Variants in ZNF143 observed in about 807,000 individuals in gnomAD.
ZNF143 encodes zinc finger protein 143.
A neutral mutation model predicts 74.1 loss-of-function variants in ZNF143; 49 were observed. That is an observed-to-expected ratio of 0.66 (90% confidence interval 0.53 to 0.84). The LOEUF (loss-of-function observed/expected upper bound fraction) is 0.84, where lower values mean the gene tolerates loss of function less well. ZNF143 is among the 40% of genes least tolerant of loss of function. The pLI, the probability that ZNF143 is intolerant of heterozygous loss-of-function variation, is 0.00. For synonymous variants in ZNF143, 304 were observed against 282.8 expected, an observed-to-expected ratio of 1.07 and a Z score of -0.75; for missense variants, 637 against 793.4, an observed-to-expected ratio of 0.80 and a Z score of 2.37.
In ZNF143 at chr11:9,491,402, C is replaced by T. The variant is rs1240314548; in HGVS notation, c.646-3244C>T. On this transcript the variant is annotated intron_variant, in intron 7 of 15. Coordinates refer to ENST00000396602, the MANE Select transcript of ZNF143 (RefSeq NM_003442.6). Reference sequence around the variant, plus strand: ...CTGTAATCCCTGCACTTTGGGAGGCCGAGGCAGGCGGATCACGAGGTCAGG... The same window carrying T: ...CTGTAATCCCTGCACTTTGGGAGGCTGAGGCAGGCGGATCACGAGGTCAGG... Among the ~76,000 whole-genome samples, 5 of 151,650 alleles carry T rather than the reference C, an allele frequency of 3.3e-5. No individual in the cohort carries two copies. In the East Asian group the frequency reaches 5.8e-4, roughly 18 times the overall value.
At chr11:9,471,538 A>G (rs893441008) in intron 2 of ZNF143, 118 bp downstream of exon 2, 7 of 661,558 alleles carry the variant, frequency 1.1e-5, no homozygotes, top group Non-Finnish European at 1.6e-5. Context: ...AGGTCTTTTT[A>G]TGAGGTGTTT....
At chr11:9,522,353 G>T (rs1036656722) in intron 14 of ZNF143, among the ~76,000 whole-genome samples, 2 of 151,642 alleles carry the variant, frequency 1.3e-5, no homozygotes, top group Admixed American at 1.3e-4. Flanking sequence ...AGCCTCCCAA[G>T]AAGCTAGGAC....
At chr11:9,520,025 ATTTTTTTTTTTTT>A (rs954404348) in intron 14 of ZNF143, among the ~76,000 whole-genome samples, 36 of 91,380 alleles carry the variant, frequency 3.9e-4, no homozygotes, top group Admixed American at 1.4e-3. Context: ...GTTTCCACCA[ATTTTTTTTTTTTT>A]TTTTTTTTTT....
chr11:9,492,553 A>G (rs758299767), intron 7 of ZNF143, among the ~76,000 whole-genome samples: 7 of 152,180 alleles, frequency 4.6e-5, no homozygotes, highest in Non-Finnish European at 7.3e-5. Context: ...GGCACAGCCT[A>G]CACACTTTAA....
intron 7 of ZNF143, among the ~76,000 whole-genome samples, chr11:9,488,903 A>T (rs1306220165): frequency 6.6e-6 from 1 of 152,162 alleles, no homozygotes; most frequent in East Asian, 1.9e-4. Flanking sequence ...GAAAAAAAAA[A>T]GATTTATTTG....
At chr11:9,494,911 T>TA in intron 8 of ZNF143, 146 bp downstream of exon 8, 1 of 847,454 alleles carries the variant, frequency 1.2e-6, no homozygotes, top group Non-Finnish European at 1.8e-6. Flanking sequence ...CACAGACATG[T>TA]AAAAACCTAT....
chr11:9,523,742 T>C (rs1037131978), intron 14 of ZNF143, among the ~76,000 whole-genome samples: 1 of 149,200 alleles, frequency 6.7e-6, no homozygotes, highest in Non-Finnish European at 1.5e-5. Context: ...TCAAAAAATA[T>C]ATAATAATAA....
intron 1 of ZNF143, among the ~76,000 whole-genome samples, chr11:9,467,566 T>C (rs1238822198): frequency 1.3e-5 from 2 of 152,000 alleles, no homozygotes; most frequent in Non-Finnish European, 2.9e-5. Flanking sequence ...AAATCATGGC[T>C]GGCTGGCGCA....
intron 1 of ZNF143, among the ~76,000 whole-genome samples, chr11:9,462,384 C>T (rs760608982): frequency 6.6e-6 from 1 of 151,778 alleles, no homozygotes; most frequent in Admixed American, 6.6e-5. Flanking sequence ...CATAGGGAGA[C>T]GGCCCTCCCA....
chr11:9,474,305 A>AT (rs998118632), intron 4 of ZNF143, among the ~76,000 whole-genome samples: 9 of 152,120 alleles, frequency 5.9e-5, no homozygotes, highest in Admixed American at 5.9e-4. Flanking sequence ...CATTTTCTTC[A>AT]TTTTTCCCCT....
At chr11:9,514,349 C>G (rs148896281) in intron 13 of ZNF143, among the ~76,000 whole-genome samples, 11 of 152,344 alleles carry the variant, frequency 7.2e-5, no homozygotes, top group African/African-American at 2.6e-4. Context: ...TTCTCATTTC[C>G]TTCAGGAATT....
rs1856740061 is a variant in ZNF143 at position 9,474,026 on chromosome 11, T to C, written c.289+2T>C. ...AACATGTACCCATACCTAAAAGTAG[T>C]AAGTATTTAAGATAACAGCACGGGA... On this transcript the variant is annotated splice_donor_variant, in intron 4 of 15. Coordinates refer to ENST00000396602, the MANE Select transcript of ZNF143 (RefSeq NM_003442.6). LOFTEE classifies it high-confidence loss of function. The C allele has an allele frequency of 6.2e-7, 1 of 1,605,920 alleles. No individual in the cohort carries two copies. Among genetic ancestry groups the C allele is most frequent in the Non-Finnish European group, 8.5e-7 (1 of 1,172,904 alleles).
intron 14 of ZNF143, 62 bp from the exon 15 acceptor site, chr11:9,525,178 T>G: frequency 1.3e-6 from 2 of 1,593,130 alleles, no homozygotes; most frequent in Non-Finnish European, 1.7e-6. Flanking sequence ...TAAGTGGACT[T>G]TAACCTATTT....
Position 9,504,705 on chromosome 11 carries a change from C to T in ZNF143, c.1147+3435C>T, listed in dbSNP as rs1351077578. ...TTTTTTTTTTTTTGAGACAGCGTCT[C>T]GCTCTGTTGCCCAGGCTGGAGTGCA... On this transcript the variant is annotated intron_variant, in intron 11 of 15. Transcript: ENST00000396602. 5.1e-4 allele frequency among the ~76,000 whole-genome samples: 51 copies of T among 100,976 alleles called. 12 individuals carry two copies. Among genetic ancestry groups the T allele is most frequent in the Non-Finnish European group, 1.0e-3 (48 of 46,018 alleles). The allele number at this position is 100,976 out of a possible 152,430, so 66.2% of individuals were successfully genotyped here. A position where few individuals can be genotyped will look rare whatever the true frequency, so the allele number is the denominator to read the frequency against.
chr11:9,498,310 G>A (rs1430057077), intron 10 of ZNF143, among the ~76,000 whole-genome samples: 2 of 152,194 alleles, frequency 1.3e-5, no homozygotes, highest in East Asian at 1.9e-4. Context: ...AAGGGTCCAC[G>A]TCCCAGAAAA....
chr11:9,480,951 T>C (rs1445395322), intron 7 of ZNF143, among the ~76,000 whole-genome samples: 1 of 152,004 alleles, frequency 6.6e-6, no homozygotes. Flanking sequence ...ATAGCCAATA[T>C]TTCTGTTTAC....
chr11:9,523,583 A>C (rs1849016673), intron 14 of ZNF143, among the ~76,000 whole-genome samples: 1 of 151,492 alleles, frequency 6.6e-6, no homozygotes, highest in African/African-American at 2.4e-5. Flanking sequence ...AAATACAAAA[A>C]ATTAGCTGGG....
At chr11:9,500,904 T>C (rs1275005908) in intron 10 of ZNF143, among the ~76,000 whole-genome samples, 187 bp from the exon 11 acceptor site, 1 of 152,164 alleles carries the variant, frequency 6.6e-6, no homozygotes, top group Non-Finnish European at 1.5e-5. Flanking sequence ...CCCAGTTTCT[T>C]ATGTAGATTT....
In ZNF143 at chr11:9,488,678, G is replaced by A. The variant is rs148657859; in HGVS notation, c.646-5968G>A. On this transcript the variant is annotated intron_variant, in intron 7 of 15. Transcript: ENST00000396602. Reference sequence around the variant, plus strand: ...ATTATAATCCTTCATTAATAGCACAGTTTTACTAGCTAGACTGAGAGCCCT... The same window carrying A: ...ATTATAATCCTTCATTAATAGCACAATTTTACTAGCTAGACTGAGAGCCCT... 5.7e-4 allele frequency among the ~76,000 whole-genome samples: 87 copies of A among 152,256 alleles called. No individual in the cohort carries two copies. In the East Asian group the frequency reaches 0.016, roughly 29 times the overall value.
Sources: allele counts gnomAD v4.1 joint callset (sites outside exome capture counted in the v4.1 genomes callset), GRCh38; gene constraint gnomAD v4.1.1; transcripts MANE v1.5; gene names NCBI Gene and HGNC (gene_info 2026-07-23, HGNC 2026-07-21).